Variants in CTNNA3 observed in about 807,000 individuals in gnomAD.
The protein encoded by CTNNA3 is catenin alpha-3.
CTNNA3 carries 76 observed loss-of-function variants against 95.7 expected under a neutral mutation model. The observed-to-expected ratio is 0.79, with a 90% confidence interval of 0.66 to 0.96. The LOEUF (loss-of-function observed/expected upper bound fraction) is 0.96. Among genes scored for constraint, CTNNA3 ranks in the 40% least tolerant of loss-of-function variants. CTNNA3 has a pLI of 0.00. For synonymous variants in CTNNA3, 431 were observed against 374.4 expected, an observed-to-expected ratio of 1.15 and a Z score of -1.74; for missense variants, 1,191 against 1,089.8, an observed-to-expected ratio of 1.09 and a Z score of -1.31.
intron 11 of CTNNA3, among the ~76,000 whole-genome samples, chr10:66,381,805 T>TC (rs1314926585): frequency 1.3e-5 from 2 of 152,168 alleles, no homozygotes; most frequent in Non-Finnish European, 2.9e-5. Context: ...GTAAATACAG[T>TC]CATGGTCCAA....
intron 14 of CTNNA3, among the ~76,000 whole-genome samples, chr10:66,075,999 A>G (rs1299722105): frequency 2.0e-5 from 3 of 151,694 alleles, no homozygotes; most frequent in Non-Finnish European, 3.0e-5. Context: ...TTTTAATTTT[A>G]TAAATATTAG....
At chr10:67,459,169 G>C (rs1175050864) in intron 5 of CTNNA3, among the ~76,000 whole-genome samples, 1 of 152,160 alleles carries the variant, frequency 6.6e-6, no homozygotes, top group Non-Finnish European at 1.5e-5. Flanking sequence ...GAAACTCACT[G>C]TCCTTGCTCT....
chr10:67,225,912 T>C (rs1218546035), intron 5 of CTNNA3, among the ~76,000 whole-genome samples: 1 of 152,190 alleles, frequency 6.6e-6, no homozygotes, highest in Non-Finnish European at 1.5e-5. Context: ...GGAGGTTAGT[T>C]ATTAAGCTAA....
intron 1 of CTNNA3, among the ~76,000 whole-genome samples, chr10:67,702,219 A>C (rs1841045415): frequency 2.0e-5 from 3 of 152,152 alleles, no homozygotes; most frequent in Admixed American, 6.5e-5. Flanking sequence ...CAGATCAACG[A>C]GACAGAAAGT....
At chr10:66,931,325 C>T (rs771839039) in intron 7 of CTNNA3, among the ~76,000 whole-genome samples, 2 of 151,862 alleles carry the variant, frequency 1.3e-5, no homozygotes, top group African/African-American at 2.4e-5. Context: ...TTTTTATTAA[C>T]CCCAGTACAC....
chr10:66,168,068 G>A (rs563485546), intron 13 of CTNNA3, among the ~76,000 whole-genome samples: 2 of 152,274 alleles, frequency 1.3e-5, no homozygotes, highest in South Asian at 2.1e-4. Context: ...GGGTGCCAGA[G>A]TCACTTTGCT....
chr10:67,206,584 G>A (rs1018142556), intron 6 of CTNNA3, among the ~76,000 whole-genome samples: 2 of 151,074 alleles, frequency 1.3e-5, no homozygotes, highest in African/African-American at 4.9e-5. Flanking sequence ...AAGAGGGAGG[G>A]AGGAAGAAAA....
At chr10:66,684,312 CAAT>C (rs1266281710) in intron 9 of CTNNA3, among the ~76,000 whole-genome samples, 2 of 152,016 alleles carry the variant, frequency 1.3e-5, no homozygotes, top group East Asian at 1.9e-4. Context: ...AGCTGAGATT[CAAT>C]AATACCAAGC....
chr10:67,743,437 G>C (rs1564844864), intron 1 of CTNNA3, among the ~76,000 whole-genome samples: 1 of 151,280 alleles, frequency 6.6e-6, no homozygotes, highest in African/African-American at 2.4e-5. Context: ...AAAGGCCTTT[G>C]ACAAAATTCA....
chr10:67,672,387 G>T (rs1367122540), intron 1 of CTNNA3, among the ~76,000 whole-genome samples: 1 of 152,066 alleles, frequency 6.6e-6, no homozygotes, highest in East Asian at 1.9e-4. Flanking sequence ...GTCAATTTTG[G>T]CTTTTGTTGC....
chr10:67,111,944 A>G (rs964418951), intron 7 of CTNNA3, among the ~76,000 whole-genome samples: 1 of 152,140 alleles, frequency 6.6e-6, no homozygotes, highest in African/African-American at 2.4e-5. Context: ...AGTACCAATT[A>G]GTAACAAATT....
intron 13 of CTNNA3, among the ~76,000 whole-genome samples, chr10:66,159,033 T>C (rs1403603551): frequency 6.6e-6 from 1 of 152,072 alleles, no homozygotes; most frequent in African/African-American, 2.4e-5. Context: ...TGCTGAATTC[T>C]TGTATCAGTT....
intron 5 of CTNNA3, among the ~76,000 whole-genome samples, chr10:67,371,252 T>C (rs1843443408): frequency 6.6e-6 from 1 of 151,944 alleles, no homozygotes; most frequent in South Asian, 2.1e-4. Flanking sequence ...TATTATACTT[T>C]AAGTTCTAGG....
chr10:66,944,951 A>T (rs1489857949), intron 7 of CTNNA3, among the ~76,000 whole-genome samples: 1 of 152,170 alleles, frequency 6.6e-6, no homozygotes, highest in Non-Finnish European at 1.5e-5. Context: ...TGCTATAAAC[A>T]CATGTGCTAT....
chr10:65,941,796 C>T (rs997801294), intron 17 of CTNNA3, among the ~76,000 whole-genome samples: 1 of 152,018 alleles, frequency 6.6e-6, no homozygotes, highest in African/African-American at 2.4e-5. Context: ...GGAAACTTAA[C>T]CAAACACAAA....
intron 16 of CTNNA3, among the ~76,000 whole-genome samples, chr10:65,983,625 T>C (rs927555685): frequency 6.6e-6 from 1 of 151,498 alleles, no homozygotes; most frequent in Non-Finnish European, 1.5e-5. Flanking sequence ...ACAAGGATAC[T>C]GTCTAAAGGA....
At chr10:67,662,520 C>A (rs1840218130) in intron 1 of CTNNA3, among the ~76,000 whole-genome samples, 1 of 152,106 alleles carries the variant, frequency 6.6e-6, no homozygotes, top group South Asian at 2.1e-4. Flanking sequence ...ACATGTTATG[C>A]AAGAAGAAAG....
chr10:66,987,449 T>C (rs1850793682), intron 7 of CTNNA3, among the ~76,000 whole-genome samples: 1 of 152,202 alleles, frequency 6.6e-6, no homozygotes, highest in South Asian at 2.1e-4. Context: ...CAAAAAATGC[T>C]GAGGCTTGGG....
At chr10:66,254,180 A>G (rs1322604984) in intron 13 of CTNNA3, among the ~76,000 whole-genome samples, 1 of 152,126 alleles carries the variant, frequency 6.6e-6, no homozygotes, top group Non-Finnish European at 1.5e-5. Context: ...GTTCGAGGAA[A>G]ATTACCTAGT....
Sources: gnomAD v4.1 joint callset for allele counts (sites outside exome capture counted in the v4.1 genomes callset) on GRCh38, gnomAD v4.1.1 for gene constraint, MANE v1.5 for transcripts, NCBI Gene and HGNC (gene_info 2026-07-23, HGNC 2026-07-21) for gene names.